LINGO1: variants seen among roughly 807,000 people sequenced by gnomAD.
LINGO1 encodes leucine rich repeat and Ig domain containing 1, also known as leucine-rich repeat and immunoglobulin-like domain-containing nogo receptor-interacting protein 1.
Under a neutral mutation model 37.3 loss-of-function variants are expected in LINGO1, and 11 were observed. The ratio of observed to expected loss-of-function variants is 0.29; its 90% CI spans 0.19 to 0.49. The LOEUF is 0.49. Ranked by LOEUF, LINGO1 falls within the 20% of genes least tolerant of loss-of-function variation. The probability of loss-of-function intolerance (pLI) is 0.99; values close to 1 mark genes in which losing one functional copy is unlikely to be tolerated. For missense variants in LINGO1, 585 were observed against 878.2 expected (o/e 0.67, Z 4.22); for synonymous variants, 387 against 403.0 (o/e 0.96, Z 0.48).
intron 3 of LINGO1, among the ~76,000 whole-genome samples, chr15:77,658,248 T>C (rs1045516139): frequency 6.6e-6 from 1 of 152,204 alleles, no homozygotes; most frequent in South Asian, 2.1e-4. Flanking sequence ...ACTTCCTGCA[T>C]GTGGGGGCAC....
intron 1 of LINGO1, among the ~76,000 whole-genome samples, chr15:77,621,581 G>C (rs1041588526): frequency 9.2e-5 from 14 of 152,192 alleles, no homozygotes; most frequent in African/African-American, 2.9e-4. Flanking sequence ...CCAGGGGAGG[G>C]GCTGTCCTGT....
At chr15:77,621,167 G>A (rs1214621260) in intron 1 of LINGO1, among the ~76,000 whole-genome samples, 2 of 151,784 alleles carry the variant, frequency 1.3e-5, no homozygotes, top group East Asian at 3.9e-4. Flanking sequence ...TGATTTTCTG[G>A]CCTCAGCCTC....
intron 2 of LINGO1, among the ~76,000 whole-genome samples, chr15:77,689,210 G>C (rs1319025645): frequency 6.6e-6 from 1 of 152,200 alleles, no homozygotes; most frequent in African/African-American, 2.4e-5. Context: ...GGGTGTGGAA[G>C]AGGTTTCTCC....
intron 1 of LINGO1, among the ~76,000 whole-genome samples, chr15:77,777,357 ACG>A (rs1369688274): frequency 8.1e-6 from 1 of 123,090 alleles, no homozygotes; most frequent in African/African-American, 2.8e-5. Flanking sequence ...ACACACACAC[ACG>A]CATACACATA....
intron 2 of LINGO1, among the ~76,000 whole-genome samples, chr15:77,681,676 G>C (rs1328855883): frequency 1.3e-5 from 2 of 152,106 alleles, no homozygotes; most frequent in Non-Finnish European, 2.9e-5. Context: ...TGAAAACAGA[G>C]GACAAAGGTT....
chr15:77,795,421 A>G (rs769767184), intron 2 of LINGO1, among the ~76,000 whole-genome samples: 1 of 152,164 alleles, frequency 6.6e-6, no homozygotes, highest in Non-Finnish European at 1.5e-5. Flanking sequence ...CTGGCTGCCA[A>G]TGACTGTCGC....
At chr15:77,616,525 C>T (rs1238108560) in intron 1 of LINGO1, among the ~76,000 whole-genome samples, 7 of 152,224 alleles carry the variant, frequency 4.6e-5, no homozygotes, top group South Asian at 2.1e-4. Context: ...AAACCAATGG[C>T]ACCTGACACT....
At position 77,716,201 on chromosome 15, in the gene LINGO1, C is replaced by T. The variant is rs141778917; in HGVS notation, c.-195+18791G>A. 9.0e-4 allele frequency among the ~76,000 whole-genome samples: 136 copies of T among 150,826 alleles called. 2 individuals carry two copies. Among genetic ancestry groups the T allele is most frequent in the African/African-American group, 3.1e-3 (130 of 41,422 alleles). On this transcript the variant is annotated intron_variant, in intron 2 of 3. Transcript: ENST00000561686. ...CAGATTTGTAGCCAGGCAGTGTGGC[C>T]CCAGTGTCTCCATTCCTCTCAGCTT...
intron 2 of LINGO1, among the ~76,000 whole-genome samples, chr15:77,678,742 C>G (rs1482224482): frequency 6.6e-6 from 1 of 152,228 alleles, no homozygotes; most frequent in Non-Finnish European, 1.5e-5. Context: ...AACTGCCAAA[C>G]TCTTTTCCAA....
upstream of LINGO1, chr15:77,787,083 T>C (rs4420498): frequency 0.56 from 84,644 of 151,606 alleles, 23,609 homozygotes; most frequent in South Asian, 0.62. Flanking sequence ...GGAAACCAGC[T>C]GGATCACACT....
rs376747346 is a variant in LINGO1, at chr15:77,730,412, C to T, written c.-195+4580G>A. On this transcript the variant is annotated intron_variant, in intron 2 of 3. Coordinates refer to the LINGO1 transcript ENST00000561686. The stretch of plus-strand genomic sequence containing the variant: ...TGGTAAGTACTGGAGCTGGGACTCA[C>T]GCTATGCTGTCTGATGCCACAAACC... Among the ~76,000 whole-genome samples the T allele has an allele frequency of 1.2e-4, 18 of 152,316 alleles. No individual in the cohort carries two copies. The East Asian group carries it at 1.9e-3, about 16-fold the overall frequency.
intron 1 of LINGO1, among the ~76,000 whole-genome samples, chr15:77,776,593 G>T (rs1339112954): frequency 6.6e-6 from 1 of 151,644 alleles, no homozygotes; most frequent in African/African-American, 2.4e-5. Context: ...CTTTGGGGCC[G>T]CAATATAACA....
At position 77,632,843 on chromosome 15, in the gene LINGO1, GCCCGCTCCGGCTCCCGCGCCGGCT is replaced by G. The variant is rs1296428106; in HGVS notation, c.-552_-529del. On this transcript the variant is annotated 5_prime_UTR_variant, in exon 1 of 2. Coordinates refer to ENST00000355300, the MANE Select transcript of LINGO1 (RefSeq NM_032808.7). The surrounding 1 kb of genome is among the most constrained non-coding windows in gnomAD (Gnocchi z 6.0). Reference sequence around the variant, plus strand: ...GCCGCCGCCTGCGCTGTCGCCCGCCGCCCGCTCCGGCTCCCGCGCCGGCTCCCGCTCGGGCTCCGCGCTCTGCAG... The same window carrying G: ...GCCGCCGCCTGCGCTGTCGCCCGCCGCCCGCTCGGGCTCCGCGCTCTGCAG... 2.0e-5 allele frequency among the ~76,000 whole-genome samples: 3 copies of G among 149,330 alleles called. No homozygotes were observed. Among genetic ancestry groups the G allele is most frequent in the Admixed American group, 1.3e-4 (2 of 15,014 alleles).
At chr15:77,773,402 C>T (rs1407651075) in intron 1 of LINGO1, among the ~76,000 whole-genome samples, 1 of 152,178 alleles carries the variant, frequency 6.6e-6, no homozygotes. Context: ...ACACAGCAGC[C>T]CCTGATGTTG....
chr15:77,730,085 T>C (rs937508772), intron 2 of LINGO1, among the ~76,000 whole-genome samples: 17 of 149,642 alleles, frequency 1.1e-4, no homozygotes, highest in Admixed American at 2.7e-4. Context: ...GTGGGGGGAG[T>C]AGGGGGAAGG....
chr15:77,692,105 C>T lies in LINGO1; in HGVS notation c.-280-1204G>A, dbSNP rs572327067. ...CCTTTGTGCCATGATGGCAGCATTA[C>T]GGCTGCCCTTTCCTTCTTACTTACT... On this transcript the variant is annotated intron_variant, in intron 1 of 3. Transcript: ENST00000559893. 2.8e-3 allele frequency among the ~76,000 whole-genome samples: 423 copies of T among 152,348 alleles called. 3 individuals are homozygous for T. Among genetic ancestry groups the T allele is most frequent in the African/African-American group, 9.3e-3 (386 of 41,584 alleles).
chr15:77,708,046 C>T (rs969203476), intron 2 of LINGO1, among the ~76,000 whole-genome samples: 2 of 152,228 alleles, frequency 1.3e-5, no homozygotes, highest in Non-Finnish European at 2.9e-5. Context: ...TTCTGTCTTG[C>T]ACAAGGTAAT....
intron 2 of LINGO1, chr15:77,707,484 C>T (rs983168218): frequency 6.6e-6 from 1 of 152,260 alleles, no homozygotes; most frequent in Non-Finnish European, 1.5e-5. Flanking sequence ...GTGGCACCGC[C>T]AGCAAGAGAT....
intron 2 of LINGO1, among the ~76,000 whole-genome samples, chr15:77,793,352 A>C (rs1406875244): frequency 6.6e-6 from 1 of 152,142 alleles, no homozygotes; most frequent in Non-Finnish European, 1.5e-5. Flanking sequence ...CGAGGGAGGG[A>C]GCAACAGAAG....
Sources: allele counts gnomAD v4.1 joint callset (sites outside exome capture counted in the v4.1 genomes callset), GRCh38; gene constraint gnomAD v4.1.1; non-coding constraint Gnocchi (gnomAD v3.1); transcripts MANE v1.5; gene names NCBI Gene and HGNC (gene_info 2026-07-23, HGNC 2026-07-21).